The following TUBGCP3 variants were observed in gnomAD, a reference collection of about 807,000 sequenced individuals.
The protein encoded by TUBGCP3 is tubulin gamma complex component 3.
Under a neutral mutation model 123.1 loss-of-function variants are expected in TUBGCP3, and 50 were observed. The observed-to-expected ratio is 0.41, with a 90% confidence interval of 0.32 to 0.51. The LOEUF is 0.51. Among genes scored for constraint, TUBGCP3 ranks in the 20% least tolerant of loss-of-function variants. The pLI, the probability that TUBGCP3 is intolerant of heterozygous loss-of-function variation, is 0.36. For missense variants in TUBGCP3, 882 were observed against 1,127.0 expected (o/e 0.78, Z 3.11); for synonymous variants, 405 against 413.9 (o/e 0.98, Z 0.26).
At chr13:112,588,598 G>A (rs574994851), upstream of TUBGCP3, among the ~76,000 whole-genome samples, 2 of 152,290 alleles carry the variant, frequency 1.3e-5, no homozygotes, top group Middle Eastern at 3.4e-3. Flanking sequence ...ACTGCCGCGC[G>A]GGCCGGTCCC....
chr13:112,591,461 G>A (rs1189095884), upstream of TUBGCP3, among the ~76,000 whole-genome samples: 3 of 152,168 alleles, frequency 2.0e-5, no homozygotes. Context: ...TTTGTCCCTA[G>A]TTCTTCTGTT....
In TUBGCP3 at chr13:112,524,019, C is replaced by T. The variant is rs866920896; in HGVS notation, c.1556-1510G>A. Reference sequence around the variant, plus strand: ...ACAGGACGACGGGGACCACAGGAGTCGTCACAGAGAAGCAGCAGCGTCAGC... The same window carrying T: ...ACAGGACGACGGGGACCACAGGAGTTGTCACAGAGAAGCAGCAGCGTCAGC... On this transcript the variant is annotated intron_variant, in intron 13 of 21. Transcript: ENST00000261965. This position sits in a 1 kb window ranked among gnomAD's most constrained non-coding sequence, Gnocchi z 4.4. Among the ~76,000 whole-genome samples, 1 of 152,152 alleles carries T rather than the reference C, an allele frequency of 6.6e-6. No homozygotes were observed. Among genetic ancestry groups the T allele is most frequent in the Admixed American group, 6.5e-5 (1 of 15,284 alleles).
At chr13:112,556,403 G>GA (rs374433385) in intron 5 of TUBGCP3, among the ~76,000 whole-genome samples, 179 bp from the exon 6 acceptor site, 79 of 152,104 alleles carry the variant, frequency 5.2e-4, no homozygotes, top group African/African-American at 1.6e-3. Context: ...CAAGTCCCTT[G>GA]AACTTGGTCA....
chr13:112,512,260 A>G (rs1359687295), intron 17 of TUBGCP3, among the ~76,000 whole-genome samples: 1 of 151,778 alleles, frequency 6.6e-6, no homozygotes, highest in African/African-American at 2.4e-5. Flanking sequence ...CATCTCTGCT[A>G]CAAATATTAA....
intron 17 of TUBGCP3, among the ~76,000 whole-genome samples, chr13:112,506,160 C>A (rs1282543924): frequency 6.6e-6 from 1 of 152,202 alleles, no homozygotes; most frequent in African/African-American, 2.4e-5. Flanking sequence ...GACAATGCAC[C>A]TTTCAGATGG....
At position 112,580,101 on chromosome 13, in the gene TUBGCP3, C is replaced by T. The variant is rs1882175402; in HGVS notation, c.76+7804G>A. On this transcript the variant is annotated intron_variant, in intron 1 of 21. Coordinates refer to ENST00000261965, the MANE Select transcript of TUBGCP3 (RefSeq NM_006322.6). Reference sequence around the variant, plus strand: ...CTTTTGACTGAACACTGTATGACTGCATTTACGTGAAATTCTAGAAGCGGA... The same window carrying T: ...CTTTTGACTGAACACTGTATGACTGTATTTACGTGAAATTCTAGAAGCGGA... 3.3e-5 allele frequency among the ~76,000 whole-genome samples: 5 copies of T among 152,290 alleles called. No individual in the cohort carries two copies. The South Asian group carries it at 1.0e-3, about 32-fold the overall frequency.
At chr13:112,506,467 G>T (rs897423692) in intron 17 of TUBGCP3, among the ~76,000 whole-genome samples, 1 of 152,162 alleles carries the variant, frequency 6.6e-6, no homozygotes. Flanking sequence ...GAACTATAGC[G>T]TCCACAGTCA....
chr13:112,588,742 G>A (rs1361027391), upstream of TUBGCP3, among the ~76,000 whole-genome samples: 1 of 152,204 alleles, frequency 6.6e-6, no homozygotes, highest in Non-Finnish European at 1.5e-5. Flanking sequence ...AATCGTTAAA[G>A]CTTACACATG....
In TUBGCP3 at chr13:112,485,809, T is replaced by C. The variant is rs1879617640; in HGVS notation, c.*184A>G. 1.5e-6 allele frequency: 1 copy of C among 661,928 alleles called. No homozygotes were observed. Among genetic ancestry groups the C allele is most frequent in the Admixed American group, 3.2e-5 (1 of 31,352 alleles). The allele number at this position is 661,928 out of a possible 1,614,324, so 41.0% of individuals were successfully genotyped here. A position where few individuals can be genotyped will look rare whatever the true frequency, so the allele number is the denominator to read the frequency against. ...CTTGACTTAGGGATTTACAAATGCA[T>C]TCGACTCCGACATGTGAAACACGAC... is the stretch of plus-strand genomic sequence containing the variant. On this transcript the variant is annotated 3_prime_UTR_variant, in exon 22 of 22. Transcript: ENST00000261965.
intron 11 of TUBGCP3, among the ~76,000 whole-genome samples, chr13:112,537,184 A>G (rs2139132689): frequency 7.6e-6 from 1 of 131,636 alleles, no homozygotes; most frequent in East Asian, 2.2e-4. Flanking sequence ...TATCCTGGCC[A>G]TAACTTTCTC....
chr13:112,522,351 C>G lies in TUBGCP3; in HGVS notation c.1714G>C (p.Asp572His). 6.2e-7 allele frequency: 1 copy of G among 1,610,644 alleles called. No homozygotes were observed. The part of the protein sequence containing the change: ...MRRYLLLGQG[D>H]FIRHLMDLLK... ...AAGTCCATTAAGTGCCTTATAAAGT[C>G]TCCTTGACCAAGAAGCAGGTACCGC... Residue 572 changes from aspartate (D) to histidine (H), a missense_variant, in exon 14 of 22, where the codon GAC becomes CAC. Physicochemically the swap from Asp to His is moderately conservative, Grantham distance 81. Coordinates refer to ENST00000261965, the MANE Select transcript of TUBGCP3 (RefSeq NM_006322.6).
chr13:112,590,155 T>G (rs779688695), upstream of TUBGCP3, among the ~76,000 whole-genome samples: 62 of 152,258 alleles, frequency 4.1e-4, no homozygotes, highest in Non-Finnish European at 6.2e-4. Flanking sequence ...TTTTTGTATT[T>G]TTAGTAGAGA....
the TUBGCP3 span, among the ~76,000 whole-genome samples, chr13:112,596,374 T>A: frequency 6.6e-6 from 1 of 152,202 alleles, no homozygotes; most frequent in Non-Finnish European, 1.5e-5. Context: ...TGAAGACTAT[T>A]TTCACAAGAT....
At chr13:112,538,083 T>C (rs1240657209) in intron 11 of TUBGCP3, among the ~76,000 whole-genome samples, 2 of 152,232 alleles carry the variant, frequency 1.3e-5, no homozygotes, top group Non-Finnish European at 2.9e-5. Context: ...TTCTGTGTGA[T>C]GGGTTTTCCC....
intron 11 of TUBGCP3, among the ~76,000 whole-genome samples, chr13:112,528,974 C>T (rs1877350869): frequency 6.6e-6 from 1 of 152,172 alleles, no homozygotes; most frequent in Admixed American, 6.5e-5. Flanking sequence ...ACCTCAGCCT[C>T]CCAAGTAACT....
chr13:112,501,749 T>C (rs1880919942), intron 19 of TUBGCP3, among the ~76,000 whole-genome samples: 1 of 152,140 alleles, frequency 6.6e-6, no homozygotes, highest in African/African-American at 2.4e-5. Flanking sequence ...AGTTCAGAAA[T>C]GACCATGAAG....
intron 3 of TUBGCP3, among the ~76,000 whole-genome samples, 170 bp from the exon 4 acceptor site, chr13:112,559,569 C>T (rs1047738944): frequency 5.6e-4 from 85 of 152,288 alleles, no homozygotes; most frequent in African/African-American, 2.0e-3. Flanking sequence ...CATCCGAAGG[C>T]GGAAGCAAAT....
chr13:112,524,720 A>G lies in TUBGCP3; in HGVS notation c.1556-2211T>C, dbSNP rs1301426858. ...TGCCTGGAAAGGGTGTCTCCCCTGG[A>G]CCACACGGGAGCTCTTGCTACACCA... On this transcript the variant is annotated intron_variant, in intron 13 of 21. Coordinates refer to ENST00000261965, the MANE Select transcript of TUBGCP3 (RefSeq NM_006322.6). This position sits in a 1 kb window ranked among gnomAD's most constrained non-coding sequence, Gnocchi z 4.4. Among the ~76,000 whole-genome samples the G allele has an allele frequency of 6.6e-6, 1 of 152,010 alleles. No individual in the cohort carries two copies. Among genetic ancestry groups the G allele is most frequent in the African/African-American group, 2.4e-5 (1 of 41,376 alleles).
chr13:112,575,664 C>G (rs747548367), intron 1 of TUBGCP3, among the ~76,000 whole-genome samples: 1 of 152,218 alleles, frequency 6.6e-6, no homozygotes, highest in African/African-American at 2.4e-5. Flanking sequence ...TTCAAATGCA[C>G]GTGGAACATT....
Sources: gnomAD v4.1 joint callset for allele counts (sites outside exome capture counted in the v4.1 genomes callset) on GRCh38, gnomAD v4.1.1 for gene constraint, Gnocchi (gnomAD v3.1) non-coding constraint, MANE v1.5 for transcripts, NCBI Gene and HGNC (gene_info 2026-07-23, HGNC 2026-07-21) for gene names.